The following PBX1 variants were observed in gnomAD, a reference collection of about 807,000 sequenced individuals.
The protein encoded by PBX1 is PBX homeobox 1.
Under a neutral mutation model 53.4 loss-of-function variants are expected in PBX1, and 6 were observed. The ratio of observed to expected loss-of-function variants is 0.11; its 90% CI spans 0.06 to 0.22. PBX1 has a LOEUF of 0.22. Among genes scored for constraint, PBX1 ranks in the 10% least tolerant of loss-of-function variants. The probability of loss-of-function intolerance (pLI) is 1.00; values close to 1 mark genes in which losing one functional copy is unlikely to be tolerated. For missense variants in PBX1, 251 were observed against 551.4 expected (o/e 0.46, Z 5.46); for synonymous variants, 204 against 212.3 (o/e 0.96, Z 0.34).
intron 8 of PBX1, among the ~76,000 whole-genome samples, chr1:164,822,115 C>G (rs955132028): frequency 6.6e-6 from 1 of 152,070 alleles, no homozygotes; most frequent in African/African-American, 2.4e-5. Flanking sequence ...GGGAGGGATG[C>G]AGACCATCTT....
intron 2 of PBX1, among the ~76,000 whole-genome samples, chr1:164,883,216 T>C (rs549052762): frequency 9.2e-5 from 14 of 152,312 alleles, no homozygotes; most frequent in African/African-American, 2.6e-4. Flanking sequence ...TACAGAGTAC[T>C]AATTCCACAA....
At chr1:164,635,922 C>T (rs1364905181) in intron 2 of PBX1, among the ~76,000 whole-genome samples, 2 of 152,182 alleles carry the variant, frequency 1.3e-5, no homozygotes, top group Non-Finnish European at 2.9e-5. Flanking sequence ...GTACCTTATT[C>T]ACAAGCACAG....
chr1:164,825,623 T>C (rs1670419976), intron 8 of PBX1, among the ~76,000 whole-genome samples: 1 of 152,156 alleles, frequency 6.6e-6, no homozygotes, highest in African/African-American at 2.4e-5. Context: ...TGGAAAAAGT[T>C]TTTCAAACTT....
chr1:164,870,259 T>TTCCC (rs1672327089), intron 2 of PBX1, among the ~76,000 whole-genome samples: 2 of 77,904 alleles, frequency 2.6e-5, no homozygotes, highest in East Asian at 3.4e-4. Flanking sequence ...CCTTCCTTCC[T>TTCCC]TCCTTCCTTC....
At chr1:164,837,419 T>C (rs544222704) in intron 8 of PBX1, among the ~76,000 whole-genome samples, 118 of 152,330 alleles carry the variant, frequency 7.7e-4, no homozygotes, top group African/African-American at 2.6e-3. Context: ...CTAGTGTAGC[T>C]ACTCTTTTCT....
chr1:164,795,268 C>T (rs927722247), intron 3 of PBX1, among the ~76,000 whole-genome samples: 1 of 152,142 alleles, frequency 6.6e-6, no homozygotes, highest in Non-Finnish European at 1.5e-5. Flanking sequence ...CCCAAGGGCT[C>T]TTATTAGAAT....
chr1:164,647,036 C>T (rs1227270569), intron 2 of PBX1, among the ~76,000 whole-genome samples: 3 of 152,166 alleles, frequency 2.0e-5, no homozygotes, highest in African/African-American at 7.2e-5. Flanking sequence ...GCTCGGGGGT[C>T]CCACCCCAAC....
intron 2 of PBX1, among the ~76,000 whole-genome samples, chr1:164,741,556 C>T (rs1407945003): frequency 6.6e-6 from 1 of 152,084 alleles, no homozygotes; most frequent in African/African-American, 2.4e-5. Flanking sequence ...TCTGTATATT[C>T]CTGTTGGTTG....
At chr1:164,835,582 T>A (rs539476287) in intron 8 of PBX1, among the ~76,000 whole-genome samples, 2 of 152,222 alleles carry the variant, frequency 1.3e-5, no homozygotes, top group African/African-American at 2.4e-5. Flanking sequence ...ACATTTTTTA[T>A]ATGTTTATTG....
At chr1:164,625,128 C>T (rs759305726) in intron 2 of PBX1, among the ~76,000 whole-genome samples, 3 of 152,076 alleles carry the variant, frequency 2.0e-5, no homozygotes, top group Non-Finnish European at 4.4e-5. Flanking sequence ...AGCCTGAATT[C>T]CAGAAACTTG....
At chr1:164,854,941 CTCTCTTTT>C (rs1309462004), downstream of PBX1, among the ~76,000 whole-genome samples, 1 of 145,030 alleles carries the variant, frequency 6.9e-6, no homozygotes, top group African/African-American at 2.6e-5. Context: ...CTCTCTCTCT[CTCTCTTTT>C]TTTTTTTTTT....
At chr1:164,884,910 A>G (rs1672742158) in intron 2 of PBX1, among the ~76,000 whole-genome samples, 1 of 152,230 alleles carries the variant, frequency 6.6e-6, no homozygotes, top group African/African-American at 2.4e-5. Flanking sequence ...GACAACCTCT[A>G]AATTCTCAAA....
At chr1:164,884,157 A>G (rs889583411) in intron 2 of PBX1, among the ~76,000 whole-genome samples, 2 of 152,244 alleles carry the variant, frequency 1.3e-5, no homozygotes, top group Non-Finnish European at 2.9e-5. Flanking sequence ...TAGAGTTGCT[A>G]TGAAGATTAA....
intron 2 of PBX1, among the ~76,000 whole-genome samples, chr1:164,621,955 T>G (rs12078364): frequency 0.022 from 3,405 of 152,228 alleles, 115 homozygotes; most frequent in African/African-American, 0.077. Flanking sequence ...TGATTCTTCC[T>G]CCCTGTAAAT....
At chr1:164,576,516 G>A (rs1654251415) in intron 2 of PBX1, among the ~76,000 whole-genome samples, 1 of 152,188 alleles carries the variant, frequency 6.6e-6, no homozygotes, top group African/African-American at 2.4e-5. Context: ...AGCGCAGGCC[G>A]CACGTCACCG....
At chr1:164,595,310 A>G (rs1485486161) in intron 2 of PBX1, among the ~76,000 whole-genome samples, 2 of 152,222 alleles carry the variant, frequency 1.3e-5, no homozygotes, top group Non-Finnish European at 2.9e-5. Flanking sequence ...AGCCGTGATC[A>G]GAGCCCTTGG....
intron 8 of PBX1, among the ~76,000 whole-genome samples, chr1:164,845,899 C>G (rs536211634): frequency 6.0e-4 from 92 of 152,312 alleles, no homozygotes; most frequent in African/African-American, 2.1e-3. Context: ...AGTGCTCCCT[C>G]TATGAAGTAT....
intron 2 of PBX1, among the ~76,000 whole-genome samples, chr1:164,857,081 A>G (rs965088642): frequency 6.6e-6 from 1 of 152,156 alleles, no homozygotes; most frequent in Non-Finnish European, 1.5e-5. Context: ...ACTACCCGGA[A>G]TTAGCTTCAG....
chr1:164,801,992 C>G (rs1669104193), intron 4 of PBX1, among the ~76,000 whole-genome samples: 1 of 152,198 alleles, frequency 6.6e-6, no homozygotes, highest in African/African-American at 2.4e-5. Context: ...GAAAGACACA[C>G]TCACTGCAGA....
Sources: allele counts gnomAD v4.1 joint callset (sites outside exome capture counted in the v4.1 genomes callset), GRCh38; gene constraint gnomAD v4.1.1; transcripts MANE v1.5; gene names NCBI Gene and HGNC (gene_info 2026-07-23, HGNC 2026-07-21).